The following PREX1 variants were observed in gnomAD, a reference collection of about 807,000 sequenced individuals.
PREX1 encodes phosphatidylinositol-3,4,5-trisphosphate dependent Rac exchange factor 1.
Under a neutral mutation model 198.3 loss-of-function variants are expected in PREX1, and 41 were observed. The ratio of observed to expected loss-of-function variants is 0.21; its 90% CI spans 0.16 to 0.27. The LOEUF is 0.27. PREX1 is among the 10% of genes least tolerant of loss of function. The pLI is 1.00. For missense variants in PREX1, 1,620 were observed against 2,200.7 expected (o/e 0.74, Z 5.28); for synonymous variants, 843 against 887.2 (o/e 0.95, Z 0.89).
chr20:48,833,269 TCTAA>T, the PREX1 span, among the ~76,000 whole-genome samples: 1 of 152,114 alleles, frequency 6.6e-6, no homozygotes, highest in Non-Finnish European at 1.5e-5. Context: ...ATAGGACACT[TCTAA>T]CTAACTGAAG....
chr20:48,845,206 G>A, the PREX1 span, among the ~76,000 whole-genome samples: 25,559 of 152,130 alleles, frequency 0.17, 2,266 homozygotes, highest in Non-Finnish European at 0.19. Context: ...TCCATCCCTC[G>A]TGAAGCTTAT....
chr20:48,749,216 C>G (rs1482210974), intron 1 of PREX1, among the ~76,000 whole-genome samples: 1 of 152,194 alleles, frequency 6.6e-6, no homozygotes, highest in Non-Finnish European at 1.5e-5. Flanking sequence ...GTAGGCTAAC[C>G]TGGAAGCAGC....
intron 19 of PREX1, among the ~76,000 whole-genome samples, chr20:48,653,872 C>T (rs535633719): frequency 2.1e-3 from 321 of 152,322 alleles, no homozygotes; most frequent in African/African-American, 6.9e-3. Flanking sequence ...CTCTCTAGGC[C>T]GAATGGCCAG....
intron 1 of PREX1, among the ~76,000 whole-genome samples, chr20:48,786,877 G>A (rs1313229415): frequency 6.6e-6 from 1 of 152,010 alleles, no homozygotes; most frequent in Non-Finnish European, 1.5e-5. Context: ...GAGGAGGGTA[G>A]GGAGGAGAGG....
At chr20:48,887,840 C>G in the PREX1 span, among the ~76,000 whole-genome samples, 4 of 151,492 alleles carry the variant, frequency 2.6e-5, no homozygotes, top group Non-Finnish European at 5.9e-5. Context: ...GTTCCAGTTC[C>G]TGGGGAGGCT....
chr20:48,757,016 G>A (rs913127439), intron 1 of PREX1, among the ~76,000 whole-genome samples: 1 of 151,982 alleles, frequency 6.6e-6, no homozygotes, highest in South Asian at 2.1e-4. Context: ...GGAAAGACCC[G>A]CCCCCATGAT....
intron 5 of PREX1, among the ~76,000 whole-genome samples, chr20:48,712,712 C>G (rs1160824874): frequency 6.6e-6 from 1 of 152,210 alleles, no homozygotes; most frequent in Non-Finnish European, 1.5e-5. Context: ...GAAGTGTTAG[C>G]TTTGGTGTCT....
the PREX1 span, among the ~76,000 whole-genome samples, chr20:48,853,126 T>C: frequency 1.3e-5 from 2 of 152,154 alleles, no homozygotes; most frequent in African/African-American, 4.8e-5. Flanking sequence ...TACGTGAATA[T>C]GATACCTGTT....
At chr20:48,824,338 C>G (rs1242114314) in intron 1 of PREX1, among the ~76,000 whole-genome samples, 1 of 152,174 alleles carries the variant, frequency 6.6e-6, no homozygotes, top group African/African-American at 2.4e-5. Flanking sequence ...AGCCCTCGGC[C>G]TGGAACCAAA....
chr20:48,707,470 G>A (rs566448624), intron 6 of PREX1, among the ~76,000 whole-genome samples: 29 of 152,090 alleles, frequency 1.9e-4, no homozygotes, highest in South Asian at 2.1e-4. Flanking sequence ...TCCCCAGCAC[G>A]GAGAAAAGAA....
intron 13 of PREX1, among the ~76,000 whole-genome samples, chr20:48,678,542 A>T (rs1430922837): frequency 6.6e-6 from 1 of 152,170 alleles, no homozygotes; most frequent in Non-Finnish European, 1.5e-5. Context: ...CCCCACCCAA[A>T]TCTCATCTTG....
At chr20:48,737,708 G>C (rs548700928) in intron 3 of PREX1, among the ~76,000 whole-genome samples, 2 of 152,256 alleles carry the variant, frequency 1.3e-5, no homozygotes, top group South Asian at 4.2e-4. Flanking sequence ...GCAAGGACTC[G>C]AGCTGGAATC....
At chr20:48,856,481 A>G in the PREX1 span, among the ~76,000 whole-genome samples, 1 of 152,204 alleles carries the variant, frequency 6.6e-6, no homozygotes, top group African/African-American at 2.4e-5. Context: ...CAAGGAATGG[A>G]AACAGCAGGG....
chr20:48,872,001 T>C, the PREX1 span, among the ~76,000 whole-genome samples: 2 of 151,098 alleles, frequency 1.3e-5, no homozygotes, highest in Admixed American at 6.6e-5. Context: ...CTACTAAAAA[T>C]ACAAAAAACT....
intron 3 of PREX1, among the ~76,000 whole-genome samples, chr20:48,740,222 G>A (rs1035439386): frequency 1.3e-5 from 2 of 152,208 alleles, no homozygotes; most frequent in South Asian, 2.1e-4. Flanking sequence ...AGCCTGGGAA[G>A]GAGAGTGGAC....
chr20:48,867,491 G>A, the PREX1 span, among the ~76,000 whole-genome samples: 4 of 152,378 alleles, frequency 2.6e-5, no homozygotes, highest in South Asian at 4.1e-4. Flanking sequence ...CTGGGCGGAT[G>A]AGAATCCATC....
intron 1 of PREX1, among the ~76,000 whole-genome samples, chr20:48,821,418 C>G (rs969498618): frequency 6.6e-6 from 1 of 152,170 alleles, no homozygotes; most frequent in Non-Finnish European, 1.5e-5. Flanking sequence ...GGCTTCTGTT[C>G]AAGATCTCCG....
the PREX1 span, among the ~76,000 whole-genome samples, chr20:48,863,579 A>G: frequency 4.7e-5 from 6 of 128,096 alleles, no homozygotes; most frequent in African/African-American, 1.8e-4. Flanking sequence ...TAGACTTTTC[A>G]TATTGTCTTT....
intron 33 of PREX1, among the ~76,000 whole-genome samples, chr20:48,634,187 G>GATGCATGGATGGATGGATGC (rs1479620149): frequency 2.7e-5 from 4 of 145,894 alleles, no homozygotes; most frequent in East Asian, 4.0e-4. Context: ...TGGATGGATG[G>GATGCATGGATGGATGGATGC]ATGGATGGAT....
Sources: gnomAD v4.1 joint callset for allele counts (sites outside exome capture counted in the v4.1 genomes callset) on GRCh38, gnomAD v4.1.1 for gene constraint, MANE v1.5 for transcripts, NCBI Gene and HGNC (gene_info 2026-07-23, HGNC 2026-07-21) for gene names.